CDK18: variants seen among roughly 807,000 people sequenced by gnomAD.
CDK18 encodes the protein cyclin dependent kinase 18, also known as cyclin-dependent kinase 18.
CDK18 carries 52 observed loss-of-function variants against 62.0 expected under a neutral mutation model. That is an observed-to-expected ratio of 0.84 (90% CI 0.67 to 1.06). The LOEUF is 1.06. Ranked by LOEUF, CDK18 falls within the 50% of genes least tolerant of loss-of-function variation. The pLI, the probability that CDK18 is intolerant of heterozygous loss-of-function variation, is 0.00. For synonymous variants in CDK18, 237 were observed against 247.0 expected (o/e 0.96, Z 0.38); for missense variants, 604 against 619.9 (o/e 0.97, Z 0.27).
Position 205,527,692 on chromosome 1 carries a change from T to A in CDK18, c.730-102T>A. Reference sequence around the variant, plus strand: ...GGTGTGCAGGAGAATGAGGGGCTTGTGCTGACCTCACTGCCAAGCCCCTGC... The same window carrying A: ...GGTGTGCAGGAGAATGAGGGGCTTGAGCTGACCTCACTGCCAAGCCCCTGC... On this transcript the variant is annotated intron_variant, in intron 8 of 15. Coordinates refer to ENST00000429964, the MANE Select transcript of CDK18 (RefSeq NM_212502.3). The surrounding 1 kb of genome is among the most constrained non-coding windows in gnomAD (Gnocchi z 4.1). 1 of 1,112,672 alleles carries A rather than the reference T, an allele frequency of 9.0e-7. No homozygotes were observed. Among genetic ancestry groups the A allele is most frequent in the Non-Finnish European group, 1.3e-6 (1 of 745,678 alleles). 68.9% of individuals were successfully genotyped at this position (1,112,672 alleles called of 1,614,324 possible).
chr1:205,525,537 G>C (rs1473882061), intron 5 of CDK18, among the ~76,000 whole-genome samples: 1 of 152,084 alleles, frequency 6.6e-6, no homozygotes, highest in Non-Finnish European at 1.5e-5. Flanking sequence ...ACCTCTCTGT[G>C]TGCCTCAGTT....
chr1:205,528,862 C>G lies in CDK18; in HGVS notation c.975-137C>G. 1.6e-6 allele frequency: 1 copy of G among 611,452 alleles called. No homozygotes were observed. Among genetic ancestry groups the G allele is most frequent in the Non-Finnish European group, 2.9e-6 (1 of 342,660 alleles). 37.9% of individuals were successfully genotyped at this position (611,452 alleles called of 1,614,324 possible). A position where few individuals can be genotyped will look rare whatever the true frequency, so the allele number is the denominator to read the frequency against. On this transcript the variant is annotated intron_variant, in intron 10 of 15. Coordinates refer to ENST00000429964, the MANE Select transcript of CDK18 (RefSeq NM_212502.3). This position sits in a 1 kb window ranked among gnomAD's most constrained non-coding sequence, Gnocchi z 4.2. ...GGCAGTTCTAGGAGCCTCCACTGCC[C>G]TGGGCCACCCCTCCGCCGCCAGAGC...
intron 1 of CDK18, among the ~76,000 whole-genome samples, chr1:205,522,218 G>C (rs997179873): frequency 6.6e-6 from 1 of 152,172 alleles, no homozygotes; most frequent in African/African-American, 2.4e-5. Context: ...GGCACGAGGA[G>C]CTGGGTAGCC....
At chr1:205,512,594 G>T (rs894080626) in intron 1 of CDK18, among the ~76,000 whole-genome samples, 3 of 152,258 alleles carry the variant, frequency 2.0e-5, no homozygotes, top group Non-Finnish European at 4.4e-5. Context: ...GCCATGCGGA[G>T]TGTGAGGAGG....
At chr1:205,526,905 C>A in intron 8 of CDK18, 68 bp downstream of exon 8, 2 of 1,263,390 alleles carry the variant, frequency 1.6e-6, no homozygotes, top group Non-Finnish European at 2.3e-6. Flanking sequence ...TGTGGGGACC[C>A]ACTCTCACCA....
chr1:205,509,924 A>G (rs541179444), intron 1 of CDK18, among the ~76,000 whole-genome samples: 1 of 152,120 alleles, frequency 6.6e-6, no homozygotes, highest in African/African-American at 2.4e-5. Flanking sequence ...TACTAAAAAT[A>G]CAAAAATTAG....
intron 13 of CDK18, chr1:205,529,784 C>G (rs1048538364): frequency 1.3e-6 from 2 of 1,488,074 alleles, no homozygotes; most frequent in Non-Finnish European, 1.8e-6. Flanking sequence ...CTGTGTAGCT[C>G]TGGGCAAGTT....
Position 205,526,910 on chromosome 1 carries a change from TCA to T in CDK18, c.729+75_729+76del. On this transcript the variant is annotated intron_variant, in intron 8 of 15. Coordinates refer to ENST00000429964, the MANE Select transcript of CDK18 (RefSeq NM_212502.3). The stretch of plus-strand genomic sequence containing the variant: ...AGAAGCCCAGTGTGGGGACCCACTC[TCA>T]CCACCAGGGATCCGGCTGCTGAGGT... 2.4e-6 allele frequency: 3 copies of T among 1,229,480 alleles called. No homozygotes were observed. In the South Asian group the frequency reaches 3.6e-5, roughly 15 times the overall value. 76.2% of individuals were successfully genotyped at this position (1,229,480 alleles called of 1,614,324 possible). A position where few individuals can be genotyped will look rare whatever the true frequency, so the allele number is the denominator to read the frequency against.
In CDK18 at chr1:205,516,381, C is replaced by T. The variant is rs900448261; in HGVS notation, c.-21-6766C>T. ...GGGATCCTGGCTGGTGGTCAGCCTT[C>T]GTGACTGAAGGGAAGACCCTCTGGG... On this transcript the variant is annotated intron_variant, in intron 1 of 15. Coordinates refer to ENST00000429964, the MANE Select transcript of CDK18 (RefSeq NM_212502.3). The surrounding 1 kb of genome is among the most constrained non-coding windows in gnomAD (Gnocchi z 4.8). 1.3e-5 allele frequency among the ~76,000 whole-genome samples: 2 copies of T among 152,040 alleles called. No homozygotes were observed. The highest frequency in any genetic ancestry group is 2.4e-5 in the African/African-American group (1 of 41,374).
intron 1 of CDK18, among the ~76,000 whole-genome samples, chr1:205,507,069 C>T (rs995086167): frequency 2.0e-5 from 3 of 152,238 alleles, no homozygotes; most frequent in African/African-American, 7.2e-5. Flanking sequence ...CGGCTTGACT[C>T]TTCCCGGTTC....
intron 1 of CDK18, among the ~76,000 whole-genome samples, chr1:205,519,974 T>A (rs1022263979): frequency 6.6e-6 from 1 of 152,164 alleles, no homozygotes; most frequent in Non-Finnish European, 1.5e-5. Flanking sequence ...GAAAGGGGTG[T>A]GGCTGGTCTC....
chr1:205,530,560 C>A, intron 14 of CDK18, 68 bp from the exon 15 acceptor site: 1 of 1,447,334 alleles, frequency 6.9e-7, no homozygotes, highest in Non-Finnish European at 9.7e-7. Flanking sequence ...GTTGGTCCTT[C>A]TGGGCCAGTC....
At position 205,531,446 on chromosome 1, in the gene CDK18, G is replaced by A; in HGVS notation, c.*68G>A. 1 of 1,432,020 alleles carries A rather than the reference G, an allele frequency of 7.0e-7. No individual in the cohort carries two copies. 88.7% of individuals were successfully genotyped at this position (1,432,020 alleles called of 1,614,324 possible). A position where few individuals can be genotyped will look rare whatever the true frequency, so the allele number is the denominator to read the frequency against. ...GGAGCACAAATTCGGGTAGGATGGA[G>A]CCTGTGTGGCCCTCGGAGGACTGAA... On this transcript the variant is annotated 3_prime_UTR_variant, in exon 16 of 16. Transcript: ENST00000429964.
At chr1:205,507,668 G>T (rs1667379499) in intron 1 of CDK18, among the ~76,000 whole-genome samples, 1 of 144,006 alleles carries the variant, frequency 6.9e-6, no homozygotes, top group African/African-American at 2.6e-5. Flanking sequence ...AAAAAATAAT[G>T]CACAGTGCCT....
intron 7 of CDK18, 27 bp from the exon 8 acceptor site, chr1:205,526,748 A>G (rs1668453472): frequency 3.1e-6 from 5 of 1,606,610 alleles, no homozygotes; most frequent in Non-Finnish European, 3.4e-6. Context: ...AGCGTGGGGC[A>G]GGACTGAGCC....
chr1:205,514,390 G>C (rs1432596797), intron 1 of CDK18, among the ~76,000 whole-genome samples: 1 of 152,052 alleles, frequency 6.6e-6, no homozygotes, highest in Non-Finnish European at 1.5e-5. Flanking sequence ...GGAGTCTGGG[G>C]CTGGGTGACT....
chr1:205,527,011 T>C lies in CDK18; in HGVS notation c.729+174T>C. The C allele has an allele frequency of 1.6e-6, 1 of 613,240 alleles. No homozygotes were observed. The highest frequency in any genetic ancestry group is 2.0e-5 in the South Asian group (1 of 50,740). 38.0% of individuals were successfully genotyped at this position (613,240 alleles called of 1,614,324 possible). ...CGAGTCCAGGAACTGGGTTGAGCGCTTTACCCCAAGAACAGACACACACTG... is the reference window on the plus strand; with the variant it reads ...CGAGTCCAGGAACTGGGTTGAGCGCCTTACCCCAAGAACAGACACACACTG... On this transcript the variant is annotated intron_variant, in intron 8 of 15. Coordinates refer to ENST00000429964, the MANE Select transcript of CDK18 (RefSeq NM_212502.3). The surrounding 1 kb of genome is among the most constrained non-coding windows in gnomAD (Gnocchi z 4.1).
intron 2 of CDK18, 30 bp downstream of exon 2, chr1:205,523,327 T>G: frequency 6.2e-7 from 1 of 1,613,558 alleles, no homozygotes; most frequent in Non-Finnish European, 8.5e-7. Context: ...CCAGCACCTC[T>G]CCCACCTACC....
At chr1:205,530,436 C>A in intron 14 of CDK18, 87 bp downstream of exon 14, 1 of 1,406,620 alleles carries the variant, frequency 7.1e-7, no homozygotes, top group Non-Finnish European at 1.0e-6. Flanking sequence ...AACAAAGAGG[C>A]CAGAGGCCCC....
Sources: allele counts gnomAD v4.1 joint callset (sites outside exome capture counted in the v4.1 genomes callset), GRCh38; gene constraint gnomAD v4.1.1; non-coding constraint Gnocchi (gnomAD v3.1); transcripts MANE v1.5; gene names NCBI Gene and HGNC (gene_info 2026-07-23, HGNC 2026-07-21).